The following NTM variants were observed in gnomAD, a reference collection of about 807,000 sequenced individuals.
The protein encoded by NTM is neurotrimin.
A neutral mutation model predicts 42.1 loss-of-function variants in NTM; 13 were observed. The ratio of observed to expected loss-of-function variants is 0.31; its 90% CI spans 0.20 to 0.49. The LOEUF (loss-of-function observed/expected upper bound fraction) is 0.49. NTM is among the 20% of genes least tolerant of loss of function. The probability of loss-of-function intolerance (pLI) is 0.99; values close to 1 mark genes in which losing one functional copy is unlikely to be tolerated. For missense variants in NTM, 373 were observed against 452.8 expected (o/e 0.82, Z 1.60); for synonymous variants, 187 against 179.2 (o/e 1.04, Z -0.35).
chr11:131,824,435 A>C (rs1565598053), intron 1 of NTM, among the ~76,000 whole-genome samples: 1 of 152,212 alleles, frequency 6.6e-6, no homozygotes, highest in South Asian at 2.1e-4. Context: ...ACAGTGTACA[A>C]GATGGACACA....
At chr11:132,051,442 A>T (rs1434733688) in intron 2 of NTM, among the ~76,000 whole-genome samples, 1 of 151,830 alleles carries the variant, frequency 6.6e-6, no homozygotes, top group Non-Finnish European at 1.5e-5. Context: ...TTATATTTTC[A>T]CTCCGTGTGG....
At chr11:132,334,656 G>C (rs1457919564) in intron 8 of NTM, among the ~76,000 whole-genome samples, 3 of 152,146 alleles carry the variant, frequency 2.0e-5, no homozygotes, top group African/African-American at 7.2e-5. Context: ...GTGCTCAGAA[G>C]TGGATGGGTG....
intron 2 of NTM, among the ~76,000 whole-genome samples, chr11:131,997,678 T>G (rs2135226743): frequency 6.6e-6 from 1 of 152,310 alleles, no homozygotes; most frequent in Middle Eastern, 3.4e-3. Context: ...CTCTCTTTCT[T>G]TTTTCTTCCT....
intron 1 of NTM, among the ~76,000 whole-genome samples, chr11:131,387,181 T>C (rs1400090887): frequency 6.6e-6 from 1 of 152,194 alleles, no homozygotes; most frequent in Non-Finnish European, 1.5e-5. Flanking sequence ...GTGAAAACTT[T>C]CGGCACTCAA....
intron 1 of NTM, among the ~76,000 whole-genome samples, chr11:131,888,215 C>T (rs573558001): frequency 1.3e-5 from 2 of 152,136 alleles, no homozygotes; most frequent in African/African-American, 4.8e-5. Context: ...GCAGGAGAAT[C>T]GCTTGAACCC....
chr11:132,079,100 C>T (rs1439898796), intron 2 of NTM, among the ~76,000 whole-genome samples: 2 of 152,156 alleles, frequency 1.3e-5, no homozygotes, highest in African/African-American at 4.8e-5. Context: ...AGGGCCTGTG[C>T]TTCTGTTACA....
chr11:132,193,379 G>A (rs766723581), intron 3 of NTM, among the ~76,000 whole-genome samples: 7 of 151,956 alleles, frequency 4.6e-5, no homozygotes, highest in African/African-American at 9.7e-5. Flanking sequence ...TTGCATGGAA[G>A]TTAAACAACC....
At chr11:131,868,452 C>G (rs2047442734) in intron 1 of NTM, among the ~76,000 whole-genome samples, 1 of 152,198 alleles carries the variant, frequency 6.6e-6, no homozygotes, top group African/African-American at 2.4e-5. Flanking sequence ...GGTTAACCTT[C>G]CAGCCCAGCT....
chr11:131,524,342 G>A (rs189463713), intron 1 of NTM, among the ~76,000 whole-genome samples: 5 of 152,312 alleles, frequency 3.3e-5, no homozygotes, highest in East Asian at 3.9e-4. Context: ...GGGGGCTCTC[G>A]GTCCTCCCAG....
At chr11:132,268,670 CTGTGTGTGTG>C (rs780327988) in intron 4 of NTM, among the ~76,000 whole-genome samples, 1 of 146,320 alleles carries the variant, frequency 6.8e-6, no homozygotes, top group Non-Finnish European at 1.5e-5. Flanking sequence ...CTCTCTCTCT[CTGTGTGTGTG>C]TGTGTGTGTG....
At chr11:131,508,775 T>C (rs2136438137) in intron 1 of NTM, among the ~76,000 whole-genome samples, 1 of 139,436 alleles carries the variant, frequency 7.2e-6, no homozygotes, top group African/African-American at 2.8e-5. Context: ...CTCAGTAAAC[T>C]ATCGCAAGAA....
At chr11:131,723,320 T>G (rs1197403592) in intron 1 of NTM, among the ~76,000 whole-genome samples, 3 of 152,094 alleles carry the variant, frequency 2.0e-5, no homozygotes, top group Non-Finnish European at 4.4e-5. Flanking sequence ...GATGGGAGAG[T>G]GTAGAGCCAA....
chr11:131,596,431 G>T (rs1388886336), intron 1 of NTM, among the ~76,000 whole-genome samples: 1 of 152,232 alleles, frequency 6.6e-6, no homozygotes, highest in Non-Finnish European at 1.5e-5. Context: ...CTGTGCTCCA[G>T]TCAAATGTCA....
intron 1 of NTM, among the ~76,000 whole-genome samples, chr11:131,768,165 C>T (rs1455309957): frequency 2.7e-5 from 4 of 147,850 alleles, no homozygotes; most frequent in Non-Finnish European, 5.9e-5. Flanking sequence ...TCTTGTCGCC[C>T]AGGCTGGAGT....
intron 2 of NTM, among the ~76,000 whole-genome samples, chr11:132,050,295 G>C (rs2078668696): frequency 6.6e-6 from 1 of 152,182 alleles, no homozygotes; most frequent in South Asian, 2.1e-4. Flanking sequence ...AGGGCCCTGA[G>C]AGCAGCCTGG....
chr11:132,190,597 C>T (rs578055486), intron 3 of NTM, among the ~76,000 whole-genome samples: 21 of 151,958 alleles, frequency 1.4e-4, no homozygotes, highest in African/African-American at 3.1e-4. Flanking sequence ...ATTAGCTGGC[C>T]GCGGTGGCAG....
chr11:131,583,197 G>A (rs903155013), intron 1 of NTM, among the ~76,000 whole-genome samples: 4 of 152,238 alleles, frequency 2.6e-5, no homozygotes, highest in Admixed American at 6.5e-5. Flanking sequence ...AGGTCCCTAA[G>A]CTGAATACCA....
At chr11:131,519,562 G>A (rs1451688586) in intron 1 of NTM, among the ~76,000 whole-genome samples, 168 of 133,314 alleles carry the variant, frequency 1.3e-3, no homozygotes, top group East Asian at 5.2e-3. Context: ...CTTCATAGGA[G>A]GCTGCATCTT....
chr11:131,718,734 C>T (rs1024599325), intron 1 of NTM, among the ~76,000 whole-genome samples: 7 of 152,104 alleles, frequency 4.6e-5, no homozygotes, highest in Admixed American at 3.3e-4. Context: ...ATTCTGAGCA[C>T]TCTAATGTTC....
Sources: allele counts gnomAD v4.1 joint callset (sites outside exome capture counted in the v4.1 genomes callset), GRCh38; gene constraint gnomAD v4.1.1; transcripts MANE v1.5; gene names NCBI Gene and HGNC (gene_info 2026-07-23, HGNC 2026-07-21).